The following CDC42BPB variants were observed in gnomAD, a reference collection of about 807,000 sequenced individuals.
CDC42BPB encodes the protein CDC42 binding protein kinase beta, also known as serine/threonine-protein kinase MRCK beta.
In CDC42BPB, 37 loss-of-function variants were observed where a neutral mutation model predicts 214.9. That is an observed-to-expected ratio of 0.17 (90% confidence interval 0.13 to 0.23). CDC42BPB has a LOEUF of 0.23. Ranked by LOEUF, CDC42BPB falls within the 10% of genes least tolerant of loss-of-function variation. The pLI, the probability that CDC42BPB is intolerant of heterozygous loss-of-function variation, is 1.00. For missense variants in CDC42BPB, 1,694 were observed against 2,227.0 expected, an observed-to-expected ratio of 0.76 and a Z score of 4.82; for synonymous variants, 931 against 884.0, an observed-to-expected ratio of 1.05 and a Z score of -0.94.
chr14:102,945,699 T>C lies in CDC42BPB; in HGVS notation c.3774A>G (p.Leu1258=), dbSNP rs778949457. 6.2e-7 allele frequency: 1 copy of C among 1,612,966 alleles called. No homozygotes were observed. Among genetic ancestry groups the C allele is most frequent in the Non-Finnish European group, 8.5e-7 (1 of 1,179,906 alleles). Residue 1258 remains leucine, a synonymous_variant, in exon 29 of 37, where the codon CTA becomes CTG. Coordinates refer to ENST00000361246, the MANE Select transcript of CDC42BPB (RefSeq NM_006035.4). ...CCTCTATGACATAGAGCCCTTCTTC[T>C]AGGCCGACTGCAATCCTGTCTGCAT... ...IVDADRIAVG[L]EEGLYVIEVT...
intron 1 of CDC42BPB, among the ~76,000 whole-genome samples, chr14:103,039,804 G>A (rs946425042): frequency 2.6e-5 from 4 of 152,028 alleles, no homozygotes; most frequent in Non-Finnish European, 4.4e-5. Context: ...AGGTATCCAA[G>A]TTGAAAAGGA....
At position 102,938,221 on chromosome 14, in the gene CDC42BPB, G is replaced by C. The variant is rs144161180; in HGVS notation, c.4934-47C>G. ...CCTCTTAGGGAGAAAGTCAAGAACG[G>C]AATCAAATGCCTGGGGTCTCCCCAT... On this transcript the variant is annotated intron_variant, in intron 35 of 36. Coordinates refer to ENST00000361246, the MANE Select transcript of CDC42BPB (RefSeq NM_006035.4). The C allele has an allele frequency of 2.6e-3, 4,218 of 1,606,406 alleles. 8 individuals carry two copies. Among genetic ancestry groups the C allele is most frequent in the Non-Finnish European group, 3.3e-3 (3,897 of 1,176,548 alleles).
At chr14:103,039,185 T>A (rs1213782894) in intron 1 of CDC42BPB, among the ~76,000 whole-genome samples, 1 of 148,640 alleles carries the variant, frequency 6.7e-6, no homozygotes, top group Non-Finnish European at 1.5e-5. Flanking sequence ...CAGGTGCATC[T>A]ACCAAACATT....
Position 103,004,568 on chromosome 14 carries a change from A to C in CDC42BPB, c.352-545T>G, listed in dbSNP as rs931212814. ...GCAAGAGGCTGCCCTCTACCCTGCT[A>C]CGTCTTCCAAAAGAGTTTTAATGCC... On this transcript the variant is annotated intron_variant, in intron 3 of 36. Transcript: ENST00000361246. The surrounding 1 kb of genome is among the most constrained non-coding windows in gnomAD (Gnocchi z 5.3). Among the ~76,000 whole-genome samples the C allele has an allele frequency of 1.4e-4, 21 of 152,206 alleles. No homozygotes were observed. The highest frequency in any genetic ancestry group is 5.1e-4 in the African/African-American group (21 of 41,454).
At chr14:103,035,609 G>C (rs1030600192) in intron 1 of CDC42BPB, among the ~76,000 whole-genome samples, 20 of 152,072 alleles carry the variant, frequency 1.3e-4, no homozygotes, top group African/African-American at 3.6e-4. Context: ...GGGAGGCCAA[G>C]GTGGGTGGAT....
At position 102,999,558 on chromosome 14, in the gene CDC42BPB, C is replaced by T. The variant is rs376068655; in HGVS notation, c.596+7G>A. On this transcript the variant is annotated splice_region_variant and intron_variant, in intron 5 of 36. Transcript: ENST00000361246. Reference sequence around the variant, plus strand: ...GGTTTCCATAAAATATATCAGAAGCCGGTTACCTGTGCACGTAATGAAGCT... The same window carrying T: ...GGTTTCCATAAAATATATCAGAAGCTGGTTACCTGTGCACGTAATGAAGCT... The T allele has an allele frequency of 2.6e-5, 42 of 1,613,300 alleles. No homozygotes were observed. The highest frequency in any genetic ancestry group is 3.1e-5 in the Non-Finnish European group (36 of 1,179,496).
rs1173035237 is a variant in CDC42BPB at position 102,934,531 on chromosome 14, C to CACAAA, written c.5005-693_5005-689dup. Among the ~76,000 whole-genome samples, 8 of 151,846 alleles carry CACAAA rather than the reference C, an allele frequency of 5.3e-5. No individual in the cohort carries two copies. The East Asian group carries it at 7.8e-4, about 15-fold the overall frequency. On this transcript the variant is annotated intron_variant, in intron 36 of 36. Transcript: ENST00000361246. ...CCTGGGCGACAGAGCGAGACTCCGT[C>CACAAA]ACAAAACAAAACAAAACAAAAAAAA...
chr14:103,026,680 A>G (rs963529283), intron 1 of CDC42BPB, among the ~76,000 whole-genome samples: 1 of 151,748 alleles, frequency 6.6e-6, no homozygotes, highest in Non-Finnish European at 1.5e-5. Flanking sequence ...TGGCTAACAC[A>G]GTGAAACCCC....
In CDC42BPB at chr14:102,946,610, C is replaced by G; in HGVS notation, c.3606G>C (p.Lys1202Asn). The G allele has an allele frequency of 6.2e-7, 1 of 1,612,834 alleles. No individual in the cohort carries two copies. The highest frequency in any genetic ancestry group is 8.5e-7 in the Non-Finnish European group (1 of 1,179,972). ...CTTCTAGAATCCCAACCCACTTCCT[C>G]TTTTCATTCTCATTTTCTGTCAGAA... The part of the protein sequence containing the change: ...LLILTENENE[K>N]RKWVGILEGL... Residue 1202 changes from lysine (K) to asparagine (N), a missense_variant, in exon 28 of 37, where the codon AAG (lysine) becomes AAC (asparagine). By Grantham distance (94) the Lys-to-Asn change is moderately conservative. This residue lies in a region of CDC42BPB where 567 missense variants were observed against 790.3 expected (regional missense o/e 0.72). Transcript: ENST00000361246.
chr14:103,043,368 T>A (rs905694471), intron 1 of CDC42BPB, among the ~76,000 whole-genome samples: 3 of 152,186 alleles, frequency 2.0e-5, no homozygotes, highest in Non-Finnish European at 2.9e-5. Flanking sequence ...AAAGGGATAA[T>A]GCACTATATA....
Position 102,975,705 on chromosome 14 carries a change from G to T in CDC42BPB, c.1486C>A (p.Arg496Ser). 2.5e-6 allele frequency: 4 copies of T among 1,614,016 alleles called. No homozygotes were observed. Among genetic ancestry groups the T allele is most frequent in the Non-Finnish European group, 3.4e-6 (4 of 1,179,898 alleles). Residue 496 changes from arginine to serine, a missense_variant, in exon 11 of 37, where the codon CGC becomes AGC. Coordinates refer to ENST00000361246, the MANE Select transcript of CDC42BPB (RefSeq NM_006035.4). ...ATACCTGCTATTTTATTCTTCAAGC[G>T]TTCGATTTCTTCATTTAGCTTTTTG... ...EIKKLNEEIE[R>S]LKNKIADSNR...
chr14:102,941,938 C>CA (rs1157233004), intron 30 of CDC42BPB, among the ~76,000 whole-genome samples: 1 of 152,234 alleles, frequency 6.6e-6, no homozygotes, highest in Non-Finnish European at 1.5e-5. Context: ...TCTGCATCTG[C>CA]ACTGTGCCCG....
In CDC42BPB at chr14:102,959,855, AAAAAAG is replaced by A; in HGVS notation, c.2822-151_2822-146del. ...ATCACAATTAAAAAAAAAAAAAAAA[AAAAAAG>A]GGGTCAGGCTTTTCCCCAGAGAGTA... is the stretch of plus-strand genomic sequence containing the variant. On this transcript the variant is annotated intron_variant, in intron 20 of 36. Transcript: ENST00000361246. 59 of 1,315,550 alleles carry A rather than the reference AAAAAAG, an allele frequency of 4.5e-5. No homozygotes were observed. In the African/African-American group the frequency reaches 7.8e-4, roughly 17 times the overall value. 81.5% of individuals were successfully genotyped at this position (1,315,550 alleles called of 1,614,324 possible).
intron 1 of CDC42BPB, among the ~76,000 whole-genome samples, chr14:103,038,627 A>G (rs1027426789): frequency 2.7e-5 from 4 of 149,590 alleles, no homozygotes; most frequent in Non-Finnish European, 5.9e-5. Flanking sequence ...CCTGGGTTCA[A>G]GCAATCCTCC....
chr14:102,979,883 C>T (rs1433245609), intron 8 of CDC42BPB, among the ~76,000 whole-genome samples: 1 of 152,132 alleles, frequency 6.6e-6, no homozygotes, highest in African/African-American at 2.4e-5. Flanking sequence ...CCAAACAAGT[C>T]CCACAGCTGG....
chr14:103,025,256 G>C (rs199502036), intron 1 of CDC42BPB, among the ~76,000 whole-genome samples: 2 of 151,998 alleles, frequency 1.3e-5, no homozygotes, highest in African/African-American at 4.8e-5. Context: ...CACACTGTCC[G>C]ATGTGCCACC....
chr14:103,004,694 C>G lies in CDC42BPB; in HGVS notation c.352-671G>C, dbSNP rs1011153281. On this transcript the variant is annotated intron_variant, in intron 3 of 36. Transcript: ENST00000361246. This position sits in a 1 kb window ranked among gnomAD's most constrained non-coding sequence, Gnocchi z 5.3. ...ACCAGCCTGGCCAACATGATGAAAC[C>G]CTGTCTCTACTAAAAACTAGAAAAA... 1.3e-5 allele frequency among the ~76,000 whole-genome samples: 2 copies of G among 151,964 alleles called. No homozygotes were observed. The highest frequency in any genetic ancestry group is 2.9e-5 in the Non-Finnish European group (2 of 67,994).
Position 102,947,827 on chromosome 14 carries a change from C to T in CDC42BPB, c.3450-25G>A, listed in dbSNP as rs576191134. ...TCTGGTAAGGAAGAAACATTGACCC[C>T]GCTGGGAGACACGCGCACAGGACCC... On this transcript the variant is annotated intron_variant, in intron 26 of 36. Transcript: ENST00000361246. 8.9e-5 allele frequency: 143 copies of T among 1,611,664 alleles called. No homozygotes were observed. The South Asian group carries it at 1.4e-3, about 16-fold the overall frequency.
chr14:103,050,660 G>A (rs1040816865), intron 1 of CDC42BPB, among the ~76,000 whole-genome samples: 15 of 152,190 alleles, frequency 9.9e-5, no homozygotes, highest in African/African-American at 3.6e-4. Context: ...AGGAGGCTGA[G>A]GCTGGAGGAC....
Sources: gnomAD v4.1 joint callset for allele counts (sites outside exome capture counted in the v4.1 genomes callset) on GRCh38, gnomAD v4.1.1 for gene constraint, gnomAD v4.1.1 regional missense constraint, Gnocchi (gnomAD v3.1) non-coding constraint, MANE v1.5 for transcripts, NCBI Gene and HGNC (gene_info 2026-07-23, HGNC 2026-07-21) for gene names.